UBR3: variants seen among roughly 807,000 people sequenced by gnomAD.
The protein encoded by UBR3 is E3 ubiquitin-protein ligase UBR3.
In UBR3, 85 loss-of-function variants were observed where a neutral mutation model predicts 243.2. The ratio of observed to expected loss-of-function variants is 0.35; its 90% CI spans 0.29 to 0.42. UBR3 has a LOEUF of 0.42. Among genes scored for constraint, UBR3 ranks in the 10% least tolerant of loss-of-function variants. UBR3 has a pLI of 1.00. For synonymous variants in UBR3, 748 were observed against 799.8 expected (o/e 0.94, Z 1.09); for missense variants, 1,686 against 2,300.8 (o/e 0.73, Z 5.47).
rs71006058 is a variant in UBR3 at position 169,977,035 on chromosome 2, CTGTT to C, written c.3635-9603_3635-9600del. ...GTATTTTTTTGTTTGATTTATTCAG[CTGTT>C]TGTTTGGTTCAACTCTTTTGGATTT... On this transcript the variant is annotated intron_variant, in intron 24 of 38. Coordinates refer to ENST00000272793, the MANE Select transcript of UBR3 (RefSeq NM_172070.4). Among the ~76,000 whole-genome samples the C allele has an allele frequency of 1.8e-4, 27 of 151,890 alleles. No homozygotes were observed. In the East Asian group the frequency reaches 3.9e-3, roughly 22 times the overall value.
chr2:169,892,921 C>T (rs1286746095), intron 6 of UBR3, among the ~76,000 whole-genome samples: 1 of 152,200 alleles, frequency 6.6e-6, no homozygotes, highest in African/African-American at 2.4e-5. Context: ...AACTTGAACT[C>T]TGCTCTCTTA....
chr2:169,855,411 A>G (rs1254676704), intron 1 of UBR3, among the ~76,000 whole-genome samples: 1 of 151,916 alleles, frequency 6.6e-6, no homozygotes, highest in East Asian at 1.9e-4. Context: ...GGGATTTGGC[A>G]GGGTCATAGG....
At chr2:170,054,304 CAG>C (rs1056822739) in intron 32 of UBR3, among the ~76,000 whole-genome samples, 11 of 139,426 alleles carry the variant, frequency 7.9e-5, no homozygotes, top group African/African-American at 2.9e-4. Context: ...TTTTTGGAGA[CAG>C]AGTCTCACAC....
chr2:169,919,846 T>C (rs2085620209), intron 11 of UBR3, among the ~76,000 whole-genome samples: 1 of 152,068 alleles, frequency 6.6e-6, no homozygotes, highest in African/African-American at 2.4e-5. Context: ...ATAGGAACAC[T>C]TTTACACTGT....
chr2:169,954,148 G>A (rs1207814847), intron 23 of UBR3, among the ~76,000 whole-genome samples: 1 of 151,214 alleles, frequency 6.6e-6, no homozygotes, highest in Non-Finnish European at 1.5e-5. Flanking sequence ...TTTGATAGTT[G>A]TCCCAATAAT....
intron 24 of UBR3, among the ~76,000 whole-genome samples, 183 bp downstream of exon 24, chr2:169,958,709 G>A (rs959114033): frequency 2.6e-5 from 4 of 152,068 alleles, no homozygotes; most frequent in African/African-American, 9.7e-5. Context: ...ATATTCTGTT[G>A]TTAGTAGCTG....
chr2:169,867,117 G>A (rs1420638913), intron 1 of UBR3, among the ~76,000 whole-genome samples: 1 of 152,118 alleles, frequency 6.6e-6, no homozygotes, highest in Non-Finnish European at 1.5e-5. Flanking sequence ...AAAGTTGTAT[G>A]TATGTTTGTT....
At chr2:170,059,788 GATA>G (rs1472571308) in intron 33 of UBR3, among the ~76,000 whole-genome samples, 1 of 151,468 alleles carries the variant, frequency 6.6e-6, no homozygotes, top group Non-Finnish European at 1.5e-5. Context: ...GCAATTTAAA[GATA>G]ATGCAAAGAA....
chr2:169,959,375 CTGAAAT>C (rs2087460826), intron 24 of UBR3, among the ~76,000 whole-genome samples: 2 of 147,580 alleles, frequency 1.4e-5, no homozygotes, highest in South Asian at 4.4e-4. Flanking sequence ...ATCTGAAAAT[CTGAAAT>C]CTAAAATGTA....
At position 169,854,963 on chromosome 2, in the gene UBR3, G is replaced by A. The variant is rs116357985; in HGVS notation, c.546-17273G>A. 2.0e-3 allele frequency among the ~76,000 whole-genome samples: 305 copies of A among 152,252 alleles called. 1 individual carries two copies. Among genetic ancestry groups the A allele is most frequent in the African/African-American group, 7.1e-3 (297 of 41,562 alleles). Reference sequence around the variant, plus strand: ...TTTCATTAAAACATTGTCATTTAATGTTTTAGGACCGTGCAGCCTGGATTT... The same window carrying A: ...TTTCATTAAAACATTGTCATTTAATATTTTAGGACCGTGCAGCCTGGATTT... On this transcript the variant is annotated intron_variant, in intron 1 of 38. Transcript: ENST00000272793.
intron 24 of UBR3, chr2:169,964,944 C>T (rs1183373238): frequency 6.6e-6 from 3 of 456,802 alleles, no homozygotes; most frequent in Non-Finnish European, 1.3e-5. Context: ...AGTCTCGGTT[C>T]TTGTATGCTG....
intron 23 of UBR3, among the ~76,000 whole-genome samples, chr2:169,956,010 T>C (rs1004037266): frequency 6.6e-6 from 1 of 151,852 alleles, no homozygotes; most frequent in African/African-American, 2.4e-5. Context: ...TGTTGGAAGG[T>C]AGTGTGAGAG....
rs560377131 is a variant in UBR3, at chr2:169,837,214, C to T, written c.545+9162C>T. Among the ~76,000 whole-genome samples, 7 of 152,344 alleles carry T rather than the reference C, an allele frequency of 4.6e-5. No homozygotes were observed. The South Asian group carries it at 8.3e-4, about 18-fold the overall frequency. On this transcript the variant is annotated intron_variant, in intron 1 of 38. Transcript: ENST00000272793. ...CTGCCTGAACGGGCCCGGAGGCTCA[C>T]GCCTGTAATCCCAGCACTTTGGGAA...
intron 6 of UBR3, among the ~76,000 whole-genome samples, chr2:169,893,166 A>G (rs2084440968): frequency 6.6e-6 from 1 of 152,240 alleles, no homozygotes; most frequent in Non-Finnish European, 1.5e-5. Context: ...AACAACAAAG[A>G]AGACATTGCT....
intron 35 of UBR3, among the ~76,000 whole-genome samples, chr2:170,068,713 C>T (rs2091633720): frequency 6.6e-6 from 1 of 151,702 alleles, no homozygotes; most frequent in South Asian, 2.1e-4. Flanking sequence ...GACAGGAGCT[C>T]AGCTGAGCTG....
chr2:169,914,277 T>G (rs951850640), intron 11 of UBR3, 131 bp downstream of exon 11: 12 of 414,688 alleles, frequency 2.9e-5, no homozygotes, highest in Admixed American at 9.0e-5. Flanking sequence ...AATGAACATA[T>G]TATTAGGCTT....
chr2:170,020,377 A>C (rs2090357293), intron 30 of UBR3, among the ~76,000 whole-genome samples: 1 of 152,200 alleles, frequency 6.6e-6, no homozygotes, highest in Non-Finnish European at 1.5e-5. Flanking sequence ...GGAATGTTTT[A>C]TGTTCTGAAG....
intron 35 of UBR3, among the ~76,000 whole-genome samples, chr2:170,068,743 G>GA (rs199903173): frequency 4.2e-4 from 62 of 148,790 alleles, no homozygotes; most frequent in African/African-American, 1.4e-3. Context: ...TGATTGATAA[G>GA]AAAAAAAAAG....
intron 1 of UBR3, among the ~76,000 whole-genome samples, chr2:169,864,844 T>G (rs2083200229): frequency 6.7e-6 from 1 of 150,280 alleles, no homozygotes; most frequent in Non-Finnish European, 1.5e-5. Flanking sequence ...GAGGCGGAGC[T>G]TGCAGTGAGC....
Sources: allele counts gnomAD v4.1 joint callset (sites outside exome capture counted in the v4.1 genomes callset), GRCh38; gene constraint gnomAD v4.1.1; transcripts MANE v1.5; gene names NCBI Gene and HGNC (gene_info 2026-07-23, HGNC 2026-07-21).